The following ADAMTSL1 variants were observed in gnomAD, a reference collection of about 807,000 sequenced individuals.
ADAMTSL1 encodes ADAMTS-like protein 1.
In ADAMTSL1, 126 loss-of-function variants were observed where a neutral mutation model predicts 201.8. That is an observed-to-expected ratio of 0.62 (90% CI 0.54 to 0.72). The LOEUF (loss-of-function observed/expected upper bound fraction) is 0.72. Among genes scored for constraint, ADAMTSL1 ranks in the 30% least tolerant of loss-of-function variants. The pLI is 0.00. For synonymous variants in ADAMTSL1, 1,121 were observed against 903.4 expected (o/e 1.24, Z -4.32); for missense variants, 2,679 against 2,277.8 (o/e 1.18, Z -3.59).
intron 4 of ADAMTSL1, among the ~76,000 whole-genome samples, chr9:18,601,384 G>A (rs536076876): frequency 6.6e-6 from 1 of 152,302 alleles, no homozygotes; most frequent in African/African-American, 2.4e-5. Flanking sequence ...GCAACTTTGA[G>A]GTCCTCAGCT....
At chr9:18,069,398 G>C (rs111236083) in intron 1 of ADAMTSL1, among the ~76,000 whole-genome samples, 1 of 152,008 alleles carries the variant, frequency 6.6e-6, no homozygotes, top group Non-Finnish European at 1.5e-5. Context: ...ACACTGCAAC[G>C]TATTATATAC....
At chr9:18,639,092 A>G (rs1827281234) in intron 6 of ADAMTSL1, among the ~76,000 whole-genome samples, 162 bp from the exon 7 acceptor site, 1 of 152,168 alleles carries the variant, frequency 6.6e-6, no homozygotes, top group African/African-American at 2.4e-5. Flanking sequence ...GTGACTCAGC[A>G]GTGCCTGTAT....
chr9:18,687,533 C>T (rs1830909355), intron 13 of ADAMTSL1, among the ~76,000 whole-genome samples: 1 of 152,190 alleles, frequency 6.6e-6, no homozygotes, highest in South Asian at 2.1e-4. Flanking sequence ...CTCCAGCTAA[C>T]ATTGGAGAGT....
At chr9:18,077,991 T>C (rs1186755679) in intron 1 of ADAMTSL1, among the ~76,000 whole-genome samples, 1 of 152,092 alleles carries the variant, frequency 6.6e-6, no homozygotes, top group African/African-American at 2.4e-5. Context: ...ATTTGTCACC[T>C]AACAAGGACA....
rs112266462 is a variant in ADAMTSL1 at position 18,810,717 on chromosome 9, T to C, written c.3806-6392T>C. Among the ~76,000 whole-genome samples the C allele has an allele frequency of 4.6e-3, 704 of 152,206 alleles. 6 individuals are homozygous for C. Among genetic ancestry groups the C allele is most frequent in the African/African-American group, 0.016 (653 of 41,534 alleles). ...GTATTTTGTAGTCATGTGCATGAAG[T>C]TCTGTATTTTATTCCCAGCTGATAA... On this transcript the variant is annotated intron_variant, in intron 20 of 28. Coordinates refer to ENST00000380548, the MANE Select transcript of ADAMTSL1 (RefSeq NM_001040272.6).
chr9:18,182,032 G>A (rs973011719), intron 2 of ADAMTSL1, among the ~76,000 whole-genome samples: 5 of 151,402 alleles, frequency 3.3e-5, no homozygotes, highest in African/African-American at 7.3e-5. Context: ...GTAAACTATT[G>A]CAAGAACAAA....
At chr9:18,879,667 A>G (rs796089903) in intron 23 of ADAMTSL1, among the ~76,000 whole-genome samples, 9 of 152,374 alleles carry the variant, frequency 5.9e-5, no homozygotes, top group African/African-American at 2.2e-4. Flanking sequence ...AATGCTAACA[A>G]TTATCTGAGC....
chr9:18,304,312 C>T (rs992732890), intron 2 of ADAMTSL1, among the ~76,000 whole-genome samples: 5 of 151,786 alleles, frequency 3.3e-5, no homozygotes, highest in African/African-American at 9.7e-5. Flanking sequence ...CTCAACATGC[C>T]CTGAGGGGCC....
intron 1 of ADAMTSL1, among the ~76,000 whole-genome samples, chr9:18,122,871 T>G (rs1825562809): frequency 6.6e-6 from 1 of 152,094 alleles, no homozygotes; most frequent in Non-Finnish European, 1.5e-5. Context: ...CTTGAGTAGC[T>G]AGGACTATTG....
intron 1 of ADAMTSL1, among the ~76,000 whole-genome samples, chr9:17,993,502 G>T (rs1819247320): frequency 6.6e-6 from 1 of 152,106 alleles, no homozygotes; most frequent in African/African-American, 2.4e-5. Flanking sequence ...TATTGGAAAT[G>T]TGTTTACATT....
chr9:18,613,810 C>G (rs549780622), intron 4 of ADAMTSL1, among the ~76,000 whole-genome samples: 2 of 152,204 alleles, frequency 1.3e-5, no homozygotes, highest in African/African-American at 4.8e-5. Flanking sequence ...ATGAAGTAAT[C>G]TGTACAATAT....
At chr9:18,278,520 GA>G (rs1832670846) in intron 2 of ADAMTSL1, among the ~76,000 whole-genome samples, 1 of 152,132 alleles carries the variant, frequency 6.6e-6, no homozygotes, top group Non-Finnish European at 1.5e-5. Context: ...AAAATCCACT[GA>G]TAGTCTTATG....
At chr9:18,791,610 A>T (rs1219376307) in intron 19 of ADAMTSL1, among the ~76,000 whole-genome samples, 4 of 152,214 alleles carry the variant, frequency 2.6e-5, no homozygotes, top group African/African-American at 9.6e-5. Context: ...TGAGCTAGAC[A>T]GTTCCATTTT....
intron 1 of ADAMTSL1, among the ~76,000 whole-genome samples, chr9:17,970,347 C>T (rs571979755): frequency 2.0e-5 from 3 of 152,142 alleles, no homozygotes; most frequent in East Asian, 1.9e-4. Flanking sequence ...TGGCATTATC[C>T]TCCTCTTTGC....
At chr9:17,935,013 A>G (rs1046831812) in intron 1 of ADAMTSL1, among the ~76,000 whole-genome samples, 2 of 151,116 alleles carry the variant, frequency 1.3e-5, no homozygotes, top group African/African-American at 4.9e-5. Context: ...TCTCTTGTAT[A>G]TTATGGTTAT....
At chr9:18,148,013 A>C (rs543899241) in intron 1 of ADAMTSL1, among the ~76,000 whole-genome samples, 6 of 152,130 alleles carry the variant, frequency 3.9e-5, no homozygotes, top group Non-Finnish European at 7.4e-5. Context: ...TGTGTTCAAC[A>C]CCTCCAGCAC....
intron 4 of ADAMTSL1, among the ~76,000 whole-genome samples, chr9:18,588,676 G>T (rs2132459626): frequency 6.6e-6 from 1 of 151,544 alleles, no homozygotes; most frequent in Non-Finnish European, 1.5e-5. Flanking sequence ...TCTGCATATT[G>T]ATATCCAGTT....
intron 3 of ADAMTSL1, among the ~76,000 whole-genome samples, chr9:18,550,617 A>G (rs759016350): frequency 2.0e-5 from 3 of 152,056 alleles, no homozygotes; most frequent in Non-Finnish European, 4.4e-5. Context: ...GCCTCTAAAA[A>G]GTAAGCCCTT....
intron 2 of ADAMTSL1, among the ~76,000 whole-genome samples, chr9:18,523,861 G>A (rs1321064150): frequency 7.3e-6 from 1 of 137,592 alleles, no homozygotes; most frequent in East Asian, 2.1e-4. Flanking sequence ...AGTATAGTTT[G>A]AAGTCAGGTA....
Sources: gnomAD v4.1 joint callset for allele counts (sites outside exome capture counted in the v4.1 genomes callset) on GRCh38, gnomAD v4.1.1 for gene constraint, MANE v1.5 for transcripts, NCBI Gene and HGNC (gene_info 2026-07-23, HGNC 2026-07-21) for gene names.